The following TANC1 variants were observed in gnomAD, a reference collection of about 807,000 sequenced individuals.
TANC1 encodes tetratricopeptide repeat, ankyrin repeat and coiled-coil containing 1, also known as protein TANC1.
Under a neutral mutation model 149.7 loss-of-function variants are expected in TANC1, and 77 were observed. That is an observed-to-expected ratio of 0.51 (90% confidence interval 0.43 to 0.62). The LOEUF is 0.62. Among genes scored for constraint, TANC1 ranks in the 20% least tolerant of loss-of-function variants. The pLI is 0.00. For missense variants in TANC1, 1,985 were observed against 2,321.8 expected, an observed-to-expected ratio of 0.85 and a Z score of 2.98; for synonymous variants, 854 against 925.0, an observed-to-expected ratio of 0.92 and a Z score of 1.39.
intron 14 of TANC1, among the ~76,000 whole-genome samples, chr2:159,185,386 C>A (rs1374818200): frequency 1.3e-5 from 2 of 152,254 alleles, no homozygotes; most frequent in Non-Finnish European, 2.9e-5. Flanking sequence ...GCCTTCTTCT[C>A]ACCACAAGGA....
At chr2:159,004,319 C>T in intron 2 of TANC1, 1 of 1,611,862 alleles carries the variant, frequency 6.2e-7, no homozygotes, top group South Asian at 1.1e-5. Context: ...ATGAAGCTAA[C>T]TAAAAGTTTG....
chr2:159,184,667 G>C, intron 14 of TANC1, among the ~76,000 whole-genome samples: 1 of 152,164 alleles, frequency 6.6e-6, no homozygotes, highest in Non-Finnish European at 1.5e-5. Flanking sequence ...TAGAGCACTA[G>C]AGAGATGCTG....
At chr2:159,141,483 C>T (rs2051363088) in intron 5 of TANC1, among the ~76,000 whole-genome samples, 1 of 152,170 alleles carries the variant, frequency 6.6e-6, no homozygotes, top group South Asian at 2.1e-4. Context: ...GACCTGGGAA[C>T]TGAAAAAGAC....
chr2:159,227,024 T>G (rs1378763626), intron 24 of TANC1: 12 of 152,244 alleles, frequency 7.9e-5, no homozygotes, highest in African/African-American at 2.9e-4. Flanking sequence ...ATGACCATGT[T>G]AATCCTTTTT....
chr2:159,112,544 C>T (rs1338409986), intron 4 of TANC1, among the ~76,000 whole-genome samples: 1 of 148,084 alleles, frequency 6.8e-6, no homozygotes, highest in African/African-American at 2.5e-5. Flanking sequence ...GCGTGAGCCA[C>T]TGCACCCAGC....
In TANC1 at chr2:159,110,668, T is replaced by C. The variant is rs1396280906; in HGVS notation, c.259+12834T>C. 2.6e-5 allele frequency among the ~76,000 whole-genome samples: 4 copies of C among 152,168 alleles called. No homozygotes were observed. In the South Asian group the frequency reaches 8.3e-4, roughly 32 times the overall value. On this transcript the variant is annotated intron_variant, in intron 4 of 26. Transcript: ENST00000263635. ...GAACTAAGACATAGGACAAGTGAAA[T>C]TTAAACAAGATGTAGACTGTAAAGT...
At chr2:159,143,814 C>T (rs1053849189) in intron 5 of TANC1, among the ~76,000 whole-genome samples, 15 of 152,166 alleles carry the variant, frequency 9.9e-5, no homozygotes, top group African/African-American at 3.6e-4. Flanking sequence ...AAAACAATGC[C>T]ATTCTTCTTA....
chr2:159,170,451 A>G (rs1025882226), intron 9 of TANC1, 73 bp from the exon 10 acceptor site: 2 of 1,371,950 alleles, frequency 1.5e-6, no homozygotes, highest in Non-Finnish European at 2.0e-6. Flanking sequence ...GTAACACACA[A>G]GCAATAATAT....
rs1189644700 is a variant in TANC1, at chr2:159,104,253, C to T, written c.259+6419C>T. Among the ~76,000 whole-genome samples, 4 of 95,816 alleles carry T rather than the reference C, an allele frequency of 4.2e-5. 2 individuals are homozygous for T. Among genetic ancestry groups the T allele is most frequent in the African/African-American group, 1.2e-4 (4 of 34,560 alleles). 62.9% of individuals were successfully genotyped at this position (95,816 alleles called of 152,430 possible). A position where few individuals can be genotyped will look rare whatever the true frequency, so the allele number is the denominator to read the frequency against. On this transcript the variant is annotated intron_variant, in intron 4 of 26. Transcript: ENST00000263635. ...TTGAACATGTGTTCATACATAGAAC[C>T]AGTGTGCATGCATTTGCTCCACTTC...
intron 4 of TANC1, among the ~76,000 whole-genome samples, chr2:159,128,668 T>C (rs2049753893): frequency 6.6e-6 from 1 of 152,158 alleles, no homozygotes. Flanking sequence ...CCAGCCCATG[T>C]TCCTGTTATA....
At chr2:159,095,073 G>A (rs1340295394) in intron 3 of TANC1, among the ~76,000 whole-genome samples, 3 of 151,922 alleles carry the variant, frequency 2.0e-5, no homozygotes, top group Admixed American at 6.6e-5. Flanking sequence ...AGCCTCCCAA[G>A]TAGCTGGGAT....
At chr2:159,136,788 C>CA (rs34488237) in intron 5 of TANC1, among the ~76,000 whole-genome samples, 17,690 of 118,916 alleles carry the variant, frequency 0.15, 1,862 homozygotes, top group East Asian at 0.44. Context: ...GAAGTAGGAG[C>CA]AAAAAAAAAA....
chr2:159,115,912 C>T (rs2048195329), intron 4 of TANC1, among the ~76,000 whole-genome samples: 1 of 152,124 alleles, frequency 6.6e-6, no homozygotes, highest in South Asian at 2.1e-4. Flanking sequence ...TTCTGCCCTA[C>T]CACAGGTGTA....
intron 2 of TANC1, among the ~76,000 whole-genome samples, chr2:159,057,774 T>C (rs1574384008): frequency 1.3e-5 from 2 of 152,310 alleles, no homozygotes; most frequent in South Asian, 2.1e-4. Flanking sequence ...GAAGCAGGTG[T>C]ATAAACAATT....
chr2:159,159,381 A>C (rs1575019559), intron 7 of TANC1, among the ~76,000 whole-genome samples: 1 of 150,896 alleles, frequency 6.6e-6, no homozygotes, highest in East Asian at 2.0e-4. Flanking sequence ...TCGAGGCTGC[A>C]GTGAGCCGAG....
chr2:159,159,447 A>C (rs2053781242), intron 7 of TANC1, among the ~76,000 whole-genome samples: 1 of 151,896 alleles, frequency 6.6e-6, no homozygotes, highest in African/African-American at 2.4e-5. Flanking sequence ...CTCAAAAAAA[A>C]AAAAAAAAAA....
chr2:159,191,635 T>G (rs957682779), intron 16 of TANC1, among the ~76,000 whole-genome samples: 1 of 152,142 alleles, frequency 6.6e-6, no homozygotes, highest in Non-Finnish European at 1.5e-5. Flanking sequence ...CAAGACATCT[T>G]CAAATTTGAC....
At chr2:159,172,892 G>C (rs148175497) in intron 11 of TANC1, among the ~76,000 whole-genome samples, 1 of 152,310 alleles carries the variant, frequency 6.6e-6, no homozygotes, top group Non-Finnish European at 1.5e-5. Flanking sequence ...GAGCTGGAGA[G>C]CTGCTGGAGC....
intron 2 of TANC1, among the ~76,000 whole-genome samples, chr2:159,028,747 TTTGA>T (rs2039548681): frequency 6.6e-6 from 1 of 152,122 alleles, no homozygotes; most frequent in Non-Finnish European, 1.5e-5. Context: ...CTTCTATGAG[TTTGA>T]TTATTAATTA....
Sources: allele counts gnomAD v4.1 joint callset (sites outside exome capture counted in the v4.1 genomes callset), GRCh38; gene constraint gnomAD v4.1.1; transcripts MANE v1.5; gene names NCBI Gene and HGNC (gene_info 2026-07-23, HGNC 2026-07-21).